Variants in RFTN1 observed in about 807,000 individuals in gnomAD.
RFTN1 encodes the protein raftlin, lipid raft linker 1, also known as raftlin.
Under a neutral mutation model 46.5 loss-of-function variants are expected in RFTN1, and 26 were observed. The observed-to-expected ratio is 0.56, with a 90% CI of 0.41 to 0.78. The LOEUF (loss-of-function observed/expected upper bound fraction) is 0.78, where lower values mean the gene tolerates loss of function less well. Ranked by LOEUF, RFTN1 falls within the 30% of genes least tolerant of loss-of-function variation. The pLI is 0.00. For missense variants in RFTN1, 693 were observed against 718.7 expected (o/e 0.96, Z 0.41); for synonymous variants, 261 against 284.2 (o/e 0.92, Z 0.82).
Position 16,433,276 on chromosome 3 carries a change from T to TG in RFTN1, c.332+574dup, listed in dbSNP as rs1241501745. ...TGAAATATAGGCATAAGCATTCAAC[T>TG]GGGCAAGCCAAACTGAAAAACATCC... On this transcript the variant is annotated intron_variant, in intron 3 of 9. Transcript: ENST00000334133. This position sits in a 1 kb window ranked among gnomAD's most constrained non-coding sequence, Gnocchi z 4.4. 6.6e-6 allele frequency among the ~76,000 whole-genome samples: 1 copy of TG among 152,104 alleles called. No homozygotes were observed. Among genetic ancestry groups the TG allele is most frequent in the African/African-American group, 2.4e-5 (1 of 41,426 alleles).
rs1162311113 is a variant in RFTN1 at position 16,504,755 on chromosome 3, T to C, written c.-9+8687A>G. Among the ~76,000 whole-genome samples the C allele has an allele frequency of 6.6e-6, 1 of 152,112 alleles. No homozygotes were observed. Among genetic ancestry groups the C allele is most frequent in the Non-Finnish European group, 1.5e-5 (1 of 68,008 alleles). ...TTCCCTTCCCAGCCTGCCTGTCTTC[T>C]CTCCAGCTCCAGGCAGACATCTCCA... On this transcript the variant is annotated intron_variant, in intron 1 of 9. Coordinates refer to ENST00000334133, the MANE Select transcript of RFTN1 (RefSeq NM_015150.2). The surrounding 1 kb of genome is among the most constrained non-coding windows in gnomAD (Gnocchi z 4.4).
intron 3 of RFTN1, among the ~76,000 whole-genome samples, chr3:16,431,546 C>T (rs1304766087): frequency 6.6e-6 from 1 of 151,950 alleles, no homozygotes. Flanking sequence ...TAAGCTCAGG[C>T]CAAGTCCTGA....
chr3:16,335,595 G>C lies in RFTN1; in HGVS notation c.1147-8719C>G, dbSNP rs1575029623. 1.3e-5 allele frequency among the ~76,000 whole-genome samples: 2 copies of C among 152,134 alleles called. No homozygotes were observed. The highest frequency in any genetic ancestry group is 4.8e-5 in the African/African-American group (2 of 41,430). ...ACATGTGAAAACACATGGACACATG[G>C]TGGGGAGCAACACACACTGGGACCT... On this transcript the variant is annotated intron_variant, in intron 7 of 9. Coordinates refer to ENST00000334133, the MANE Select transcript of RFTN1 (RefSeq NM_015150.2). The surrounding 1 kb of genome is among the most constrained non-coding windows in gnomAD (Gnocchi z 4.7).
chr3:16,494,799 AC>A (rs2076598751), intron 1 of RFTN1, among the ~76,000 whole-genome samples: 1 of 152,186 alleles, frequency 6.6e-6, no homozygotes, highest in African/African-American at 2.4e-5. Flanking sequence ...CTAAGGATAA[AC>A]GATGCTTTCC....
rs193163534 is a variant in RFTN1, at chr3:16,473,272, T to A, written c.145+20453A>T. Among the ~76,000 whole-genome samples, 43 of 150,794 alleles carry A rather than the reference T, an allele frequency of 2.9e-4. No homozygotes were observed. The highest frequency in any genetic ancestry group is 1.0e-3 in the African/African-American group (43 of 41,440). ...CATGATACCAGGTGACTGGGTGTGCTGTGGGGTGCCAAATGTCCACATATT... is the reference window on the plus strand; with the variant it reads ...CATGATACCAGGTGACTGGGTGTGCAGTGGGGTGCCAAATGTCCACATATT... On this transcript the variant is annotated intron_variant, in intron 2 of 9. Coordinates refer to ENST00000334133, the MANE Select transcript of RFTN1 (RefSeq NM_015150.2). This position sits in a 1 kb window ranked among gnomAD's most constrained non-coding sequence, Gnocchi z 5.3.
intron 4 of RFTN1, among the ~76,000 whole-genome samples, chr3:16,399,239 C>G (rs1418041349): frequency 1.3e-5 from 2 of 151,538 alleles, no homozygotes; most frequent in Non-Finnish European, 2.9e-5. Context: ...TTCAGCAAAC[C>G]CATGAGAAAA....
rs1235084796 is a variant in RFTN1, at chr3:16,500,394, G to A, written c.-8-6517C>T. Among the ~76,000 whole-genome samples the A allele has an allele frequency of 6.6e-6, 1 of 152,140 alleles. No homozygotes were observed. ...GTGTATGGGTCTCCCGAGCATCAAG[G>A]TACCAAGAAAAACTTTCCAAGAAGT... On this transcript the variant is annotated intron_variant, in intron 1 of 9. Transcript: ENST00000334133. This position sits in a 1 kb window ranked among gnomAD's most constrained non-coding sequence, Gnocchi z 5.9.
chr3:16,449,004 C>T lies in RFTN1; in HGVS notation c.146-14967G>A, dbSNP rs1283117365. 1.3e-5 allele frequency among the ~76,000 whole-genome samples: 2 copies of T among 152,184 alleles called. No individual in the cohort carries two copies. Among genetic ancestry groups the T allele is most frequent in the African/African-American group, 4.8e-5 (2 of 41,444 alleles). Reference sequence around the variant, plus strand: ...GTTATGCTCCAGAAAGGCAACATCTCCCTCACACACTTAATAAATGCATCC... The same window carrying T: ...GTTATGCTCCAGAAAGGCAACATCTTCCTCACACACTTAATAAATGCATCC... On this transcript the variant is annotated intron_variant, in intron 2 of 9. Transcript: ENST00000334133. The surrounding 1 kb of genome is among the most constrained non-coding windows in gnomAD (Gnocchi z 5.1).
Position 16,452,671 on chromosome 3 carries a change from G to A in RFTN1, c.146-18634C>T, listed in dbSNP as rs1340071111. 6.6e-6 allele frequency among the ~76,000 whole-genome samples: 1 copy of A among 152,186 alleles called. No homozygotes were observed. The highest frequency in any genetic ancestry group is 2.4e-5 in the African/African-American group (1 of 41,446). On this transcript the variant is annotated intron_variant, in intron 2 of 9. Transcript: ENST00000334133. This position sits in a 1 kb window ranked among gnomAD's most constrained non-coding sequence, Gnocchi z 6.3. ...TTACTGACCAATTATGGTCTCAACT[G>A]TGACAGTGAAGGAGTGGTCAGTGTT... is the stretch of plus-strand genomic sequence containing the variant.
intron 5 of RFTN1, among the ~76,000 whole-genome samples, chr3:16,373,898 C>T (rs2073631291): frequency 6.6e-6 from 1 of 152,116 alleles, no homozygotes; most frequent in Non-Finnish European, 1.5e-5. Flanking sequence ...TAGAAGGGCC[C>T]CAGGCTGCTC....
In RFTN1 at chr3:16,413,788, G is replaced by C. The variant is rs552441426; in HGVS notation, c.333-4305C>G. On this transcript the variant is annotated intron_variant, in intron 3 of 9. Transcript: ENST00000334133. This position sits in a 1 kb window ranked among gnomAD's most constrained non-coding sequence, Gnocchi z 4.7. ...CCCCATCACTCGCCATCCCCAACTT[G>C]GTATGATAATTCCAATAGATTTATT... 1.4e-4 allele frequency among the ~76,000 whole-genome samples: 22 copies of C among 152,230 alleles called. No homozygotes were observed. Among genetic ancestry groups the C allele is most frequent in the African/African-American group, 4.6e-4 (19 of 41,548 alleles).
At chr3:16,467,106 T>C (rs1201068428) in intron 2 of RFTN1, among the ~76,000 whole-genome samples, 1 of 151,710 alleles carries the variant, frequency 6.6e-6, no homozygotes, top group Non-Finnish European at 1.5e-5. Flanking sequence ...GGGGTGAGGG[T>C]TTTGGGTAGA....
chr3:16,404,996 C>T (rs1037694351), intron 4 of RFTN1, among the ~76,000 whole-genome samples: 1 of 152,148 alleles, frequency 6.6e-6, no homozygotes. Flanking sequence ...TGCCAGAAAA[C>T]GTGCACAATG....
At chr3:16,477,213 G>A (rs6763033) in intron 2 of RFTN1, among the ~76,000 whole-genome samples, 68 of 152,294 alleles carry the variant, frequency 4.5e-4, no homozygotes, top group African/African-American at 1.6e-3. Context: ...TCCTGAAACT[G>A]GATTAATCAC....
At position 16,429,069 on chromosome 3, in the gene RFTN1, T is replaced by C. The variant is rs1467694999; in HGVS notation, c.332+4782A>G. ...TCATATTCAGCTATTCATTCTTGAGTCAAAGTAACTTGAGTCAAAGTAACT... is the reference window on the plus strand; with the variant it reads ...TCATATTCAGCTATTCATTCTTGAGCCAAAGTAACTTGAGTCAAAGTAACT... On this transcript the variant is annotated intron_variant, in intron 3 of 9. Transcript: ENST00000334133. The surrounding 1 kb of genome is among the most constrained non-coding windows in gnomAD (Gnocchi z 6.4). Among the ~76,000 whole-genome samples, 1 of 152,226 alleles carries C rather than the reference T, an allele frequency of 6.6e-6. No individual in the cohort carries two copies. The highest frequency in any genetic ancestry group is 2.4e-5 in the African/African-American group (1 of 41,464).
Position 16,491,749 on chromosome 3 carries a change from A to AAAAC in RFTN1, c.145+1972_145+1975dup, listed in dbSNP as rs150594734. Among the ~76,000 whole-genome samples the AAAAC allele has an allele frequency of 8.1e-4, 123 of 151,788 alleles. 1 individual carries two copies. The South Asian group carries it at 0.022, about 27-fold the overall frequency. On this transcript the variant is annotated intron_variant, in intron 2 of 9. Transcript: ENST00000334133. The stretch of plus-strand genomic sequence containing the variant: ...TGAAAAACACATAACCACGATGCAA[A>AAAAC]AAACAAACAAACAAACAAACAAAAC...
In RFTN1 at chr3:16,385,905, T is replaced by C. The variant is rs2074157038; in HGVS notation, c.442-7803A>G. On this transcript the variant is annotated intron_variant, in intron 4 of 9. Transcript: ENST00000334133. This position sits in a 1 kb window ranked among gnomAD's most constrained non-coding sequence, Gnocchi z 5.0. ...CCCATGAGAACTGCCATCATCCAAGTAGGACCATTGAGGAAAAGAACTGGC... is the reference window on the plus strand; with the variant it reads ...CCCATGAGAACTGCCATCATCCAAGCAGGACCATTGAGGAAAAGAACTGGC... Among the ~76,000 whole-genome samples the C allele has an allele frequency of 6.6e-6, 1 of 152,160 alleles. No homozygotes were observed.
Position 16,382,260 on chromosome 3 carries a change from C to T in RFTN1, c.442-4158G>A, listed in dbSNP as rs1237488166. ...GCGTAGTCCTTTTTAACTAGACGACCACATTTAGATTTTATGAAGATCAAT... is the reference window on the plus strand; with the variant it reads ...GCGTAGTCCTTTTTAACTAGACGACTACATTTAGATTTTATGAAGATCAAT... On this transcript the variant is annotated intron_variant, in intron 4 of 9. Transcript: ENST00000334133. The surrounding 1 kb of genome is among the most constrained non-coding windows in gnomAD (Gnocchi z 4.7). 6.6e-5 allele frequency among the ~76,000 whole-genome samples: 10 copies of T among 152,068 alleles called. No individual in the cohort carries two copies. Among genetic ancestry groups the T allele is most frequent in the Admixed American group, 5.9e-4 (9 of 15,260 alleles).
Position 16,345,788 on chromosome 3 carries a change from C to CTGTGTGTG in RFTN1, c.1146+12136_1146+12143dup, listed in dbSNP as rs370820242. On this transcript the variant is annotated intron_variant, in intron 7 of 9. Coordinates refer to ENST00000334133, the MANE Select transcript of RFTN1 (RefSeq NM_015150.2). This position sits in a 1 kb window ranked among gnomAD's most constrained non-coding sequence, Gnocchi z 5.2. Reference sequence around the variant, plus strand: ...TGAGCCAAAACCTTATAATAAATCTCTGTGTGTGTGTGTGTGTGTGTGTGT... The same window carrying CTGTGTGTG: ...TGAGCCAAAACCTTATAATAAATCTCTGTGTGTGTGTGTGTGTGTGTGTGTGTGTGTGT... Among the ~76,000 whole-genome samples the CTGTGTGTG allele has an allele frequency of 1.9e-3, 240 of 127,230 alleles. 2 individuals are homozygous for CTGTGTGTG. The highest frequency in any genetic ancestry group is 7.8e-3 in the South Asian group (28 of 3,592). The allele number at this position is 127,230 out of a possible 152,430, so 83.5% of individuals were successfully genotyped here. A position where few individuals can be genotyped will look rare whatever the true frequency, so the allele number is the denominator to read the frequency against.
Sources: gnomAD v4.1 joint callset for allele counts (sites outside exome capture counted in the v4.1 genomes callset) on GRCh38, gnomAD v4.1.1 for gene constraint, Gnocchi (gnomAD v3.1) non-coding constraint, MANE v1.5 for transcripts, NCBI Gene and HGNC (gene_info 2026-07-23, HGNC 2026-07-21) for gene names.